The following ALG6 variants were observed in gnomAD, a reference collection of about 807,000 sequenced individuals.
ALG6 encodes the protein ALG6 alpha-1,3-glucosyltransferase, also known as dolichyl pyrophosphate Man9GlcNAc2 alpha-1,3-glucosyltransferase.
In ALG6, 46 loss-of-function variants were observed where a neutral mutation model predicts 66.6. That is an observed-to-expected ratio of 0.69 (90% CI 0.55 to 0.88). The LOEUF (loss-of-function observed/expected upper bound fraction) is 0.88, where lower values mean the gene tolerates loss of function less well. Among genes scored for constraint, ALG6 ranks in the 40% least tolerant of loss-of-function variants. The probability of loss-of-function intolerance (pLI) is 0.00; values close to 1 mark genes in which losing one functional copy is unlikely to be tolerated. For synonymous variants in ALG6, 185 were observed against 203.7 expected (o/e 0.91, Z 0.78); for missense variants, 505 against 586.8 (o/e 0.86, Z 1.44).
chr1:63,428,961 A>G lies in ALG6; in HGVS notation c.1161A>G (p.Leu387=). The part of the protein sequence containing the change: ...MLPLLLKDEL[L]MPSVVTTMAF... ...CTCTTCTATTGAAGGATGAACTCCT[A>G]ATGCCCTCTGTTGTGACAACAATGG... Residue 387 remains leucine, a synonymous_variant, in exon 14 of 15, where the codon CTA becomes CTG. Transcript: ENST00000263440. 6.2e-6 allele frequency: 10 copies of G among 1,613,388 alleles called. No homozygotes were observed. The highest frequency in any genetic ancestry group is 8.5e-6 in the Non-Finnish European group (10 of 1,179,706).
At chr1:63,402,385 C>A in intron 4 of ALG6, 42 bp downstream of exon 4, 1 of 1,362,864 alleles carries the variant, frequency 7.3e-7, no homozygotes, top group Non-Finnish European at 1.0e-6. Flanking sequence ...TTTTTATGCC[C>A]TTGGCAGATT....
chr1:63,375,945 T>C (rs1648109565), intron 2 of ALG6, among the ~76,000 whole-genome samples: 1 of 152,234 alleles, frequency 6.6e-6, no homozygotes, highest in Non-Finnish European at 1.5e-5. Context: ...TCAATGATTA[T>C]AGTTCCTTTT....
At chr1:63,383,788 T>C (rs1648413151) in intron 2 of ALG6, among the ~76,000 whole-genome samples, 1 of 152,234 alleles carries the variant, frequency 6.6e-6, no homozygotes, top group Admixed American at 6.5e-5. Context: ...CGTGTAATTA[T>C]ATTTTTGAAT....
chr1:63,401,716 T>G (rs1644466272), intron 3 of ALG6, among the ~76,000 whole-genome samples: 1 of 152,136 alleles, frequency 6.6e-6, no homozygotes, highest in Non-Finnish European at 1.5e-5. Flanking sequence ...ATTTATGGGT[T>G]ATATAGTTTG....
intron 2 of ALG6, among the ~76,000 whole-genome samples, chr1:63,382,213 A>G (rs1648336150): frequency 6.7e-6 from 1 of 150,044 alleles, no homozygotes; most frequent in South Asian, 2.1e-4. Context: ...TTTTATTATT[A>G]TTTTTTGAAA....
intron 2 of ALG6, among the ~76,000 whole-genome samples, chr1:63,395,658 G>T (rs146916165): frequency 0.013 from 2,038 of 152,300 alleles, 35 homozygotes; most frequent in African/African-American, 0.047. Context: ...TTGTGCCACT[G>T]CACTCCAGCC....
At chr1:63,391,326 G>T (rs745841921) in intron 2 of ALG6, among the ~76,000 whole-genome samples, 1 of 152,186 alleles carries the variant, frequency 6.6e-6, no homozygotes, top group Non-Finnish European at 1.5e-5. Context: ...AGTTAAACCT[G>T]AGTGTTTTTA....
rs746584909 is a variant in ALG6, at chr1:63,404,587, AT to A, written c.346+50del. Reference sequence around the variant, plus strand: ...GAATATAAAATTTGATTTTTTAAAAATTTTGGACAAACTGGTAAAGGTACTA... The same window carrying A: ...GAATATAAAATTTGATTTTTTAAAAATTTGGACAAACTGGTAAAGGTACTA... On this transcript the variant is annotated intron_variant, in intron 5 of 14. Transcript: ENST00000263440. 4.5e-6 allele frequency: 7 copies of A among 1,538,494 alleles called. No homozygotes were observed. In the South Asian group the frequency reaches 6.7e-5, roughly 15 times the overall value.
chr1:63,378,119 A>G (rs559194353), intron 2 of ALG6, among the ~76,000 whole-genome samples: 29 of 151,850 alleles, frequency 1.9e-4, no homozygotes, highest in African/African-American at 6.3e-4. Context: ...CTTTGAGATC[A>G]TTTTTTTCTT....
At position 63,419,396 on chromosome 1, in the gene ALG6, AT is replaced by A. The variant is rs1269984067; in HGVS notation, c.1018del (p.Ser340LeufsTer18). 6 of 1,605,408 alleles carry A rather than the reference AT, an allele frequency of 3.7e-6. No individual in the cohort carries two copies. The highest frequency in any genetic ancestry group is 5.1e-6 in the Non-Finnish European group (6 of 1,176,152). ...TTAGCTGTGCGCTATCATTCTTTTT[AT>A]TTTCTTTCCAAGTACATGAAAAATC... ...LVSCALSFFL[F>X]SFQVHEKSIL... On this transcript the variant is annotated frameshift_variant, in exon 12 of 15. Coordinates refer to ENST00000263440, the MANE Select transcript of ALG6 (RefSeq NM_013339.4). LOFTEE classifies it high-confidence loss of function.
chr1:63,389,392 T>C (rs1030313930), intron 2 of ALG6, among the ~76,000 whole-genome samples: 5 of 152,234 alleles, frequency 3.3e-5, no homozygotes, highest in Admixed American at 2.6e-4. Flanking sequence ...CCACAGTATG[T>C]CAATTGAATT....
At chr1:63,421,437 A>G (rs139745018) in intron 12 of ALG6, among the ~76,000 whole-genome samples, 1 of 152,350 alleles carries the variant, frequency 6.6e-6, no homozygotes, top group East Asian at 1.9e-4. Flanking sequence ...ATCTAGAACC[A>G]GAAATACCAT....
At chr1:63,399,328 T>C (rs1200583624) in intron 3 of ALG6, among the ~76,000 whole-genome samples, 1 of 152,210 alleles carries the variant, frequency 6.6e-6, no homozygotes, top group East Asian at 1.9e-4. Flanking sequence ...AAGAGTGATA[T>C]CCTATCACAT....
rs745841887 is a variant in ALG6 at position 63,429,252 on chromosome 1, A to G, written c.1326+126A>G. The G allele has an allele frequency of 3.6e-5, 26 of 724,934 alleles. 1 individual carries two copies. Among genetic ancestry groups the G allele is most frequent in the Middle Eastern group, 7.9e-4 (2 of 2,546 alleles). The allele number at this position is 724,934 out of a possible 1,614,324, so 44.9% of individuals were successfully genotyped here. On this transcript the variant is annotated intron_variant, in intron 14 of 14. Transcript: ENST00000263440. ...TCACATAAATCCACTCATTTAAAGT[A>G]TACAACTTAGTGGTTTTAAGTATGT...
At chr1:63,430,838 T>C (rs1644642036) in intron 14 of ALG6, among the ~76,000 whole-genome samples, 1 of 152,160 alleles carries the variant, frequency 6.6e-6, no homozygotes, top group Non-Finnish European at 1.5e-5. Flanking sequence ...TTCTGTGTGT[T>C]GCCTTTTCAC....
chr1:63,421,622 C>G (rs1644573795), intron 12 of ALG6, among the ~76,000 whole-genome samples: 1 of 152,034 alleles, frequency 6.6e-6, no homozygotes, highest in Non-Finnish European at 1.5e-5. Context: ...TGGAACAAAC[C>G]CAGATGCCCA....
chr1:63,368,565 A>G (rs1647804931), intron 1 of ALG6, among the ~76,000 whole-genome samples: 1 of 151,606 alleles, frequency 6.6e-6, no homozygotes, highest in Non-Finnish European at 1.5e-5. Context: ...CAGTGGCACG[A>G]TCTTGGCTCA....
intron 3 of ALG6, among the ~76,000 whole-genome samples, chr1:63,398,109 T>C (rs1362201356): frequency 6.6e-6 from 1 of 152,214 alleles, no homozygotes; most frequent in Non-Finnish European, 1.5e-5. Context: ...ACTGTTCATA[T>C]TATATTGTTG....
intron 14 of ALG6, 34 bp downstream of exon 14, chr1:63,429,160 C>T: frequency 6.9e-7 from 1 of 1,446,432 alleles, no homozygotes; most frequent in Non-Finnish European, 9.6e-7. Flanking sequence ...ACACATTTTT[C>T]AGCATGTCAC....
Sources: allele counts gnomAD v4.1 joint callset (sites outside exome capture counted in the v4.1 genomes callset), GRCh38; gene constraint gnomAD v4.1.1; transcripts MANE v1.5; gene names NCBI Gene and HGNC (gene_info 2026-07-23, HGNC 2026-07-21).